The following CSMD1 variants were observed in gnomAD, a reference collection of about 807,000 sequenced individuals.
CSMD1 encodes CUB and sushi domain-containing protein 1.
A neutral mutation model predicts 417.5 loss-of-function variants in CSMD1; 213 were observed. The ratio of observed to expected loss-of-function variants is 0.51; its 90% CI spans 0.46 to 0.57. CSMD1 has a LOEUF of 0.57. Ranked by LOEUF, CSMD1 falls within the 20% of genes least tolerant of loss-of-function variation. The probability of loss-of-function intolerance (pLI) is 0.00; values close to 1 mark genes in which losing one functional copy is unlikely to be tolerated. For missense variants in CSMD1, 6,923 were observed against 4,529.7 expected (o/e 1.53, Z -15.17); for synonymous variants, 2,862 against 1,736.8 (o/e 1.65, Z -16.11).
At chr8:4,289,971 C>A (rs565936007) in intron 3 of CSMD1, among the ~76,000 whole-genome samples, 8 of 152,312 alleles carry the variant, frequency 5.3e-5, no homozygotes, top group Admixed American at 4.6e-4. Flanking sequence ...CTCATTATTT[C>A]ATTCAGCTTG....
At chr8:4,846,498 G>T (rs978710830) in intron 1 of CSMD1, among the ~76,000 whole-genome samples, 1 of 152,322 alleles carries the variant, frequency 6.6e-6, no homozygotes, top group African/African-American at 2.4e-5. Context: ...CCTCCTGACA[G>T]CAACTCCCAC....
chr8:3,238,279 AG>A (rs1225697550), intron 26 of CSMD1, among the ~76,000 whole-genome samples: 3 of 152,112 alleles, frequency 2.0e-5, no homozygotes. Context: ...CAGTTAAGGC[AG>A]GAACAGGCCA....
chr8:4,619,388 G>A (rs937895509), intron 2 of CSMD1, among the ~76,000 whole-genome samples: 1 of 152,154 alleles, frequency 6.6e-6, no homozygotes, highest in Non-Finnish European at 1.5e-5. Context: ...TTTTGAGTGA[G>A]GATTTCTTTT....
At chr8:3,868,376 G>A (rs147168326) in intron 5 of CSMD1, among the ~76,000 whole-genome samples, 146 of 152,156 alleles carry the variant, frequency 9.6e-4, no homozygotes, top group African/African-American at 3.4e-3. Context: ...AGTGCCATCT[G>A]CAGGCCACAG....
At chr8:3,538,874 T>C (rs184581395) in intron 10 of CSMD1, among the ~76,000 whole-genome samples, 6 of 152,258 alleles carry the variant, frequency 3.9e-5, no homozygotes, top group Admixed American at 3.9e-4. Flanking sequence ...TCCTAGTTGT[T>C]CTCTGCTCCC....
At chr8:2,980,241 T>C (rs1043291677) in intron 54 of CSMD1, among the ~76,000 whole-genome samples, 1 of 152,090 alleles carries the variant, frequency 6.6e-6, no homozygotes, top group African/African-American at 2.4e-5. Flanking sequence ...TTTGACCATC[T>C]CCCACTAAGG....
chr8:3,405,921 G>T, intron 15 of CSMD1, 106 bp downstream of exon 15: 2 of 1,055,266 alleles, frequency 1.9e-6, no homozygotes, highest in Non-Finnish European at 2.7e-6. Context: ...GTGGTATTTT[G>T]TTAGGGCAGC....
At chr8:4,071,320 T>C (rs1429705736) in intron 3 of CSMD1, among the ~76,000 whole-genome samples, 2 of 152,214 alleles carry the variant, frequency 1.3e-5, no homozygotes, top group African/African-American at 4.8e-5. Flanking sequence ...TTAGATAATT[T>C]CCATTGGACT....
rs1006071245 is a variant in CSMD1, at chr8:3,170,490, G to T, written c.5726-8213C>A. Among the ~76,000 whole-genome samples the T allele has an allele frequency of 4.6e-5, 7 of 152,212 alleles. No individual in the cohort carries two copies. In the South Asian group the frequency reaches 1.4e-3, roughly 31 times the overall value. On this transcript the variant is annotated intron_variant, in intron 37 of 69. Coordinates refer to ENST00000635120, the MANE Select transcript of CSMD1 (RefSeq NM_033225.6). The stretch of plus-strand genomic sequence containing the variant: ...CCCAAAGTGCTGGGATTACAGGCGT[G>T]AGCCACCGTGCCCGGCCCGAGCTTT...
chr8:3,881,529 C>T (rs773005810), intron 5 of CSMD1, among the ~76,000 whole-genome samples: 8 of 148,790 alleles, frequency 5.4e-5, no homozygotes, highest in Non-Finnish European at 1.0e-4. Context: ...CTCAGCTACT[C>T]AGGAGGCTGA....
intron 3 of CSMD1, among the ~76,000 whole-genome samples, chr8:4,277,555 A>G (rs1401412518): frequency 1.3e-5 from 2 of 152,130 alleles, no homozygotes; most frequent in Non-Finnish European, 2.9e-5. Context: ...AATTATAGAC[A>G]TGGATAGAGC....
At chr8:4,455,584 C>T (rs1475410527) in intron 2 of CSMD1, among the ~76,000 whole-genome samples, 1 of 152,004 alleles carries the variant, frequency 6.6e-6, no homozygotes, top group Non-Finnish European at 1.5e-5. Context: ...ATCAAATTGA[C>T]AAATTGTGAA....
At chr8:3,417,927 C>A (rs1000088453) in intron 12 of CSMD1, among the ~76,000 whole-genome samples, 1 of 152,174 alleles carries the variant, frequency 6.6e-6, no homozygotes, top group Non-Finnish European at 1.5e-5. Context: ...CAACCCAGCA[C>A]TTGGACAGAC....
chr8:2,970,051 A>G (rs1456576373), intron 57 of CSMD1, among the ~76,000 whole-genome samples: 1 of 152,108 alleles, frequency 6.6e-6, no homozygotes, highest in African/African-American at 2.4e-5. Flanking sequence ...ATTTTTTTTC[A>G]TAGAAAACTT....
intron 11 of CSMD1, among the ~76,000 whole-genome samples, chr8:3,471,808 G>A (rs1817121644): frequency 6.6e-6 from 1 of 152,152 alleles, no homozygotes; most frequent in Non-Finnish European, 1.5e-5. Context: ...TTGGGTAGAA[G>A]AAGGAAGAGG....
intron 3 of CSMD1, among the ~76,000 whole-genome samples, chr8:4,036,349 CA>C (rs759077112): frequency 2.0e-5 from 3 of 152,122 alleles, no homozygotes; most frequent in Non-Finnish European, 4.4e-5. Context: ...GGGACCCCTC[CA>C]AAATTGTTAC....
rs140839076 is a variant in CSMD1 at position 4,170,131 on chromosome 8, C to T, written c.416-138032G>A. Among the ~76,000 whole-genome samples, 959 of 151,938 alleles carry T rather than the reference C, an allele frequency of 6.3e-3. 13 individuals carry two copies. The highest frequency in any genetic ancestry group is 9.6e-3 in the Admixed American group (147 of 15,286). ...ACCTGTTTTCTCCCTCCAGGGGCTT[C>T]TCTTGTAAAAGTTACCCAAACCTCC... On this transcript the variant is annotated intron_variant, in intron 3 of 69. Coordinates refer to ENST00000635120, the MANE Select transcript of CSMD1 (RefSeq NM_033225.6).
intron 3 of CSMD1, among the ~76,000 whole-genome samples, chr8:4,084,345 C>A (rs377588808): frequency 3.5e-5 from 5 of 142,284 alleles, no homozygotes; most frequent in East Asian, 2.2e-4. Flanking sequence ...AAAAAAAAAA[C>A]AAACTACAAC....
intron 2 of CSMD1, among the ~76,000 whole-genome samples, chr8:4,505,551 T>C (rs73180932): frequency 3.3e-5 from 5 of 152,332 alleles, no homozygotes; most frequent in Admixed American, 6.5e-5. Context: ...TCATATACTA[T>C]CAAAATAATG....
Sources: gnomAD v4.1 joint callset for allele counts (sites outside exome capture counted in the v4.1 genomes callset) on GRCh38, gnomAD v4.1.1 for gene constraint, MANE v1.5 for transcripts, NCBI Gene and HGNC (gene_info 2026-07-23, HGNC 2026-07-21) for gene names.